The following GNG2 variants were observed in gnomAD, a reference collection of about 807,000 sequenced individuals.
GNG2 encodes guanine nucleotide-binding protein G(I)/G(S)/G(O) subunit gamma-2.
Under a neutral mutation model 5.5 loss-of-function variants are expected in GNG2, and 5 were observed. That is an observed-to-expected ratio of 0.91 (90% CI 0.48 to 1.92). The LOEUF is 1.92. Among genes scored for constraint, GNG2 ranks in the 30% most tolerant of loss-of-function variants. The pLI, the probability that GNG2 is intolerant of heterozygous loss-of-function variation, is 0.01. For synonymous variants in GNG2, 28 were observed against 32.0 expected (o/e 0.88, Z 0.42); for missense variants, 55 against 88.4 (o/e 0.62, Z 1.52).
intron 2 of GNG2, chr14:51,914,081 C>A: frequency 3.3e-6 from 2 of 602,882 alleles, no homozygotes; most frequent in South Asian, 2.0e-5. Flanking sequence ...GTTTTGTTTG[C>A]TTGCTTGCCT....
chr14:51,891,768 G>C (rs368931525), intron 2 of GNG2, among the ~76,000 whole-genome samples: 1 of 152,140 alleles, frequency 6.6e-6, no homozygotes, highest in Admixed American at 6.5e-5. Flanking sequence ...CTGCTATCTA[G>C]CAATAATTAG....
At chr14:51,949,064 T>A (rs1888812579) in intron 2 of GNG2, among the ~76,000 whole-genome samples, 1 of 147,210 alleles carries the variant, frequency 6.8e-6, no homozygotes, top group South Asian at 2.1e-4. Context: ...GAGCTTGCAG[T>A]GAGCCGAGAT....
chr14:51,873,637 T>C (rs1883452007), intron 1 of GNG2, among the ~76,000 whole-genome samples: 1 of 152,216 alleles, frequency 6.6e-6, no homozygotes, highest in African/African-American at 2.4e-5. Context: ...AAAAATAGTT[T>C]CTTTCTCTGA....
In GNG2 at chr14:51,967,642, C is replaced by T. The variant is rs1383987125; in HGVS notation, c.*955C>T. Reference sequence around the variant, plus strand: ...CTAGTTAATAGTGGTATAAATGCCTCTTCAATACGTTTTCCAGAATCCAAA... The same window carrying T: ...CTAGTTAATAGTGGTATAAATGCCTTTTCAATACGTTTTCCAGAATCCAAA... On this transcript the variant is annotated 3_prime_UTR_variant, in exon 4 of 4. Transcript: ENST00000556766. The T allele has an allele frequency of 6.6e-6, 1 of 152,058 alleles. No homozygotes were observed. Among genetic ancestry groups the T allele is most frequent in the African/African-American group, 2.4e-5 (1 of 41,396 alleles). 9.4% of individuals were successfully genotyped at this position (152,058 alleles called of 1,614,324 possible). A position where few individuals can be genotyped will look rare whatever the true frequency, so the allele number is the denominator to read the frequency against.
At chr14:51,872,662 C>T (rs182870019) in intron 1 of GNG2, among the ~76,000 whole-genome samples, 34 of 152,266 alleles carry the variant, frequency 2.2e-4, no homozygotes, top group African/African-American at 7.5e-4. Context: ...GCCTTTGCCT[C>T]CCATGAGAAA....
intron 2 of GNG2, among the ~76,000 whole-genome samples, chr14:51,923,349 T>A (rs1887126206): frequency 6.6e-6 from 1 of 152,190 alleles, no homozygotes. Flanking sequence ...GGATTTGAAC[T>A]GTAGAGGTTA....
intron 2 of GNG2, among the ~76,000 whole-genome samples, chr14:51,854,564 C>G (rs1390145793): frequency 6.6e-6 from 1 of 152,040 alleles, no homozygotes; most frequent in Non-Finnish European, 1.5e-5. Flanking sequence ...GGCTGGAGTG[C>G]AGTGGTGCTA....
At chr14:51,916,097 T>C (rs1253690) in intron 2 of GNG2, 74,933 of 185,718 alleles carry the variant, frequency 0.4, 15,789 homozygotes, top group Non-Finnish European at 0.43. Context: ...ACATACTACA[T>C]AGAGTAGGCA....
At chr14:51,872,644 T>C (rs1394389734) in intron 1 of GNG2, among the ~76,000 whole-genome samples, 6 of 152,202 alleles carry the variant, frequency 3.9e-5, no homozygotes, top group Non-Finnish European at 2.9e-5. Flanking sequence ...CGCTGAGCCA[T>C]GCCCATGGCC....
At chr14:51,834,448 C>T (rs1463002170) in intron 2 of GNG2, among the ~76,000 whole-genome samples, 2 of 152,168 alleles carry the variant, frequency 1.3e-5, no homozygotes, top group East Asian at 1.9e-4. Context: ...CAGAGCTTGT[C>T]GACCAGCTGG....
intron 3 of GNG2, 101 bp from the exon 4 acceptor site, chr14:51,966,458 A>T (rs1889926204): frequency 9.8e-7 from 1 of 1,021,990 alleles, no homozygotes; most frequent in Non-Finnish European, 1.5e-6. Flanking sequence ...ATCTTGCTTC[A>T]TGGAGCAAGG....
chr14:51,937,623 A>AT (rs60571273), intron 2 of GNG2, among the ~76,000 whole-genome samples: 13,215 of 133,536 alleles, frequency 0.099, 1,984 homozygotes, highest in African/African-American at 0.23. Context: ...GAAATACATA[A>AT]TTTTTTTTTT....
intron 2 of GNG2, chr14:51,917,473 T>A (rs1179924042): frequency 2.2e-6 from 1 of 454,526 alleles, no homozygotes; most frequent in Non-Finnish European, 4.4e-6. Context: ...GTTGGAACCT[T>A]AGCCTAGTGC....
intron 2 of GNG2, among the ~76,000 whole-genome samples, chr14:51,889,558 T>C (rs1189427758): frequency 6.6e-6 from 1 of 152,220 alleles, no homozygotes; most frequent in East Asian, 1.9e-4. Flanking sequence ...AACTGTTATT[T>C]TATAAAAGCA....
chr14:51,925,414 T>C (rs924269467), intron 2 of GNG2, among the ~76,000 whole-genome samples: 5 of 152,214 alleles, frequency 3.3e-5, no homozygotes, highest in Non-Finnish European at 5.9e-5. Context: ...CAGGTGACAA[T>C]AGACCTGAAT....
At position 51,967,985 on chromosome 14, in the gene GNG2, G is replaced by A. The variant is rs1175239540; in HGVS notation, c.*1298G>A. The A allele has an allele frequency of 2.6e-5, 4 of 152,168 alleles. No homozygotes were observed. The East Asian group carries it at 5.8e-4, about 22-fold the overall frequency. 9.4% of individuals were successfully genotyped at this position (152,168 alleles called of 1,614,324 possible). The stretch of plus-strand genomic sequence containing the variant: ...TTTGGGCGGCAGGTGCGGTCCCCAC[G>A]GCCGGCTCTACGAGGAAGAGTTCTG... On this transcript the variant is annotated 3_prime_UTR_variant, in exon 4 of 4. Transcript: ENST00000556766.
intron 2 of GNG2, among the ~76,000 whole-genome samples, chr14:51,849,256 C>T (rs955990072): frequency 6.6e-6 from 1 of 152,200 alleles, no homozygotes; most frequent in South Asian, 2.1e-4. Flanking sequence ...CTTGAGTGAC[C>T]TCACAACATG....
chr14:51,958,597 T>C (rs753679346), intron 3 of GNG2, among the ~76,000 whole-genome samples: 12 of 152,122 alleles, frequency 7.9e-5, no homozygotes, highest in Admixed American at 3.3e-4. Flanking sequence ...GTGAGACACC[T>C]GGCTCCCCTT....
intron 2 of GNG2, among the ~76,000 whole-genome samples, chr14:51,911,174 A>G (rs114318121): frequency 0.024 from 3,609 of 152,316 alleles, 153 homozygotes; most frequent in African/African-American, 0.083. Context: ...TGGCATGTGC[A>G]GCAATGCAAA....
Sources: gnomAD v4.1 joint callset for allele counts (sites outside exome capture counted in the v4.1 genomes callset) on GRCh38, gnomAD v4.1.1 for gene constraint, MANE v1.5 for transcripts, NCBI Gene and HGNC (gene_info 2026-07-23, HGNC 2026-07-21) for gene names.